MGA: variants seen among roughly 807,000 people sequenced by gnomAD.
The protein encoded by MGA is MAX dimerization protein MGA.
In MGA, 40 loss-of-function variants were observed where a neutral mutation model predicts 261.1. The observed-to-expected ratio is 0.15, with a 90% CI of 0.12 to 0.20. The LOEUF is 0.20. Among genes scored for constraint, MGA ranks in the 10% least tolerant of loss-of-function variants. The pLI is 1.00. For missense variants in MGA, 3,397 were observed against 3,630.5 expected (o/e 0.94, Z 1.65); for synonymous variants, 1,302 against 1,290.6 (o/e 1.01, Z -0.19).
rs769752495 is a variant in MGA, at chr15:41,710,897, A to G, written c.2632A>G (p.Ile878Val). 1.4e-5 allele frequency: 22 copies of G among 1,613,680 alleles called. No homozygotes were observed. Among genetic ancestry groups the G allele is most frequent in the African/African-American group, 4.0e-5 (3 of 74,862 alleles). ...TAGTGTACTAAAGAAGCAATCTACT[A>G]TTTCCCCTTCTACCTCTTATTCTTT... is the stretch of plus-strand genomic sequence containing the variant. The change falls in exon 8 of 24, where the codon ATT becomes GTT. Residue 878 changes from isoleucine (I) to valine (V), a missense_variant. Coordinates refer to ENST00000219905, the MANE Select transcript of MGA (RefSeq NM_001164273.2).
In MGA at chr15:41,696,770, G is replaced by C. The variant is rs1205403491; in HGVS notation, c.1760G>C (p.Arg587Thr). 1 of 1,608,846 alleles carries C rather than the reference G, an allele frequency of 6.2e-7. No homozygotes were observed. Among genetic ancestry groups the C allele is most frequent in the Non-Finnish European group, 8.5e-7 (1 of 1,177,564 alleles). The change falls in exon 3 of 24, where the codon AGA becomes ACA. Residue 587 changes from arginine (R) to threonine (T), a missense_variant. Coordinates refer to ENST00000219905, the MANE Select transcript of MGA (RefSeq NM_001164273.2). The stretch of plus-strand genomic sequence containing the variant: ...GGAAAAGAGGACTTGGGCAGAAAGA[G>C]AACAACTATGCTTAAGATTGCAACA...
At position 41,740,182 on chromosome 15, in the gene MGA, G is replaced by A; in HGVS notation, c.4564G>A (p.Val1522Ile). The A allele has an allele frequency of 6.2e-7, 1 of 1,613,960 alleles. No individual in the cohort carries two copies. The highest frequency in any genetic ancestry group is 8.5e-7 in the Non-Finnish European group (1 of 1,179,828). The change falls in exon 14 of 24, where the codon GTC (valine) becomes ATC (isoleucine). Residue 1522 changes from valine (V) to isoleucine (I), a missense_variant. Physicochemically the swap from Val to Ile is conservative, Grantham distance 29. Coordinates refer to ENST00000219905, the MANE Select transcript of MGA (RefSeq NM_001164273.2). ...CCCTGGGAAGAATCTGAAGGCGTTT[G>A]TCCCAGCAAAACGGCCAATTGGTAA...
intron 2 of MGA, among the ~76,000 whole-genome samples, chr15:41,670,169 A>C (rs1012689061): frequency 8.5e-5 from 13 of 152,188 alleles, no homozygotes; most frequent in African/African-American, 3.1e-4. Context: ...TTGTAGGCAA[A>C]TTGGATAACT....
chr15:41,766,312 C>T lies in MGA; in HGVS notation c.8230C>T (p.Pro2744Ser), dbSNP rs749945071. Reference sequence around the variant, plus strand: ...TATGCAGAAAGCACAAGAGTTCTTACCTAAAAAGATTTCTGGTGATATGAG... The same window carrying T: ...TATGCAGAAAGCACAAGAGTTCTTATCTAAAAAGATTTCTGGTGATATGAG... Residue 2744 changes from proline to serine, a missense_variant, in exon 24 of 24, where the codon CCT (proline) becomes TCT (serine). Physicochemically the swap from Pro to Ser is moderately conservative, Grantham distance 74. Coordinates refer to ENST00000219905, the MANE Select transcript of MGA (RefSeq NM_001164273.2). 1.9e-6 allele frequency: 3 copies of T among 1,613,724 alleles called. No individual in the cohort carries two copies. Among genetic ancestry groups the T allele is most frequent in the Non-Finnish European group, 1.7e-6 (2 of 1,179,818 alleles).
intron 11 of MGA, among the ~76,000 whole-genome samples, chr15:41,732,015 A>G (rs1224859658): frequency 6.6e-6 from 1 of 152,222 alleles, no homozygotes; most frequent in East Asian, 1.9e-4. Context: ...CCCATTGCAC[A>G]CATGAGGCAA....
At chr15:41,645,929 TATTTGACTAGGTTGAATTCATTG>T (rs1300911801) in intron 1 of MGA, among the ~76,000 whole-genome samples, 1 of 152,220 alleles carries the variant, frequency 6.6e-6, no homozygotes, top group African/African-American at 2.4e-5. Context: ...ACTGTTTTGC[TATTTGACTAGGTTGAATTCATTG>T]AGACACATGG....
At chr15:41,638,693 T>TC (rs2056760780) in intron 1 of MGA, among the ~76,000 whole-genome samples, 1 of 147,000 alleles carries the variant, frequency 6.8e-6, no homozygotes, top group African/African-American at 2.5e-5. Context: ...TTTTTCTTTT[T>TC]TTTTTTTTTT....
intron 9 of MGA, among the ~76,000 whole-genome samples, chr15:41,717,062 A>G (rs936775308): frequency 6.6e-6 from 1 of 152,200 alleles, no homozygotes; most frequent in African/African-American, 2.4e-5. Flanking sequence ...GAAATGAGCT[A>G]ATTGAGTGCT....
chr15:41,710,923 G>A lies in MGA; in HGVS notation c.2658G>A (p.Leu886=). 6.2e-7 allele frequency: 1 copy of A among 1,613,860 alleles called. No homozygotes were observed. The highest frequency in any genetic ancestry group is 8.5e-7 in the Non-Finnish European group (1 of 1,179,868). ...TTTCCCCTTCTACCTCTTATTCTTT[G>A]AAACCTCATTCTGTACCCCCTGTCT... The change falls in exon 8 of 24, where the codon TTG becomes TTA. Residue 886 remains leucine (L), a synonymous_variant. Transcript: ENST00000219905.
At chr15:41,639,872 G>A (rs2056787112) in intron 1 of MGA, among the ~76,000 whole-genome samples, 1 of 152,150 alleles carries the variant, frequency 6.6e-6, no homozygotes, top group Non-Finnish European at 1.5e-5. Context: ...TTTTTATGTG[G>A]AGTTAGGAGT....
chr15:41,667,292 G>A (rs748297423), intron 1 of MGA, among the ~76,000 whole-genome samples: 2 of 151,746 alleles, frequency 1.3e-5, no homozygotes, highest in Non-Finnish European at 2.9e-5. Flanking sequence ...TGTCACCCAG[G>A]CTGAAGTGCA....
chr15:41,647,759 T>G (rs1239880087), intron 1 of MGA, among the ~76,000 whole-genome samples: 3 of 152,042 alleles, frequency 2.0e-5, no homozygotes, highest in South Asian at 2.1e-4. Flanking sequence ...TTCACCTTTT[T>G]TATCTCCAGT....
chr15:41,677,097 CT>C (rs1293099631), intron 2 of MGA, among the ~76,000 whole-genome samples: 1 of 152,232 alleles, frequency 6.6e-6, no homozygotes, highest in African/African-American at 2.4e-5. Context: ...TTGGTGGACA[CT>C]TGGATAGCTT....
rs576973264 is a variant in MGA at position 41,735,608 on chromosome 15, G to A, written c.3917-573G>A. On this transcript the variant is annotated intron_variant, in intron 12 of 23. Coordinates refer to ENST00000219905, the MANE Select transcript of MGA (RefSeq NM_001164273.2). Reference sequence around the variant, plus strand: ...AAAAATTAACTGGGCGTGGTGGCACGCGTCCATAATCTCAGCTACTCGGGA... The same window carrying A: ...AAAAATTAACTGGGCGTGGTGGCACACGTCCATAATCTCAGCTACTCGGGA... Among the ~76,000 whole-genome samples, 15 of 152,168 alleles carry A rather than the reference G, an allele frequency of 9.9e-5. No individual in the cohort carries two copies. In the East Asian group the frequency reaches 1.5e-3, roughly 16 times the overall value.
intron 1 of MGA, among the ~76,000 whole-genome samples, chr15:41,665,473 G>A (rs193263363): frequency 6.6e-6 from 1 of 151,612 alleles, no homozygotes; most frequent in Admixed American, 6.6e-5. Flanking sequence ...TGCAGCCTTG[G>A]CCTCCCCACC....
At chr15:41,623,640 A>G (rs1595528414) in intron 1 of MGA, among the ~76,000 whole-genome samples, 1 of 151,318 alleles carries the variant, frequency 6.6e-6, no homozygotes, top group East Asian at 2.0e-4. Flanking sequence ...GCCACTTGGG[A>G]TGCTTGAACC....
At chr15:41,686,918 T>A (rs1035873364) in intron 2 of MGA, among the ~76,000 whole-genome samples, 29 of 152,200 alleles carry the variant, frequency 1.9e-4, no homozygotes, top group African/African-American at 6.8e-4. Context: ...TCATGTGGGA[T>A]ATTTGTTTAT....
chr15:41,707,652 C>G, intron 5 of MGA, 76 bp from the exon 6 acceptor site: 1 of 1,390,976 alleles, frequency 7.2e-7, no homozygotes, highest in East Asian at 2.5e-5. Flanking sequence ...CTCCCAGGCA[C>G]AAGTTAAAAA....
intron 1 of MGA, among the ~76,000 whole-genome samples, chr15:41,631,594 C>G (rs977117471): frequency 1.3e-5 from 2 of 152,148 alleles, no homozygotes; most frequent in Non-Finnish European, 2.9e-5. Flanking sequence ...CAGAGGCACA[C>G]TTTCTTTTTT....
Sources: gnomAD v4.1 joint callset for allele counts (sites outside exome capture counted in the v4.1 genomes callset) on GRCh38, gnomAD v4.1.1 for gene constraint, MANE v1.5 for transcripts, NCBI Gene and HGNC (gene_info 2026-07-23, HGNC 2026-07-21) for gene names.